The following ACOX1 variants were observed in gnomAD, a reference collection of about 807,000 sequenced individuals.
ACOX1 encodes peroxisomal acyl-coenzyme A oxidase 1.
In ACOX1, 41 loss-of-function variants were observed where a neutral mutation model predicts 75.5. The observed-to-expected ratio is 0.54, with a 90% CI of 0.42 to 0.70. ACOX1 has a LOEUF of 0.70. ACOX1 is among the 30% of genes least tolerant of loss of function. ACOX1 has a pLI of 0.00. For missense variants in ACOX1, 630 were observed against 837.5 expected (o/e 0.75, Z 3.06); for synonymous variants, 303 against 298.8 (o/e 1.01, Z -0.15).
Position 75,950,794 on chromosome 17 carries a change from G to A in ACOX1, c.1278C>T (p.Val426=), listed in dbSNP as rs777467085. ...PSCTFEGENT[V]MMLQTARFLM... is the part of the protein sequence containing the mutation. ...CTCACCTAGCCGTCTGGAGCATCATGACAGTGTTTTCTCCCTCAAAGGTAC... is the reference window on the plus strand; with the variant it reads ...CTCACCTAGCCGTCTGGAGCATCATAACAGTGTTTTCTCCCTCAAAGGTAC... The change falls in exon 9 of 14, where the codon GTC becomes GTT. Residue 426 remains valine (V), a synonymous_variant. Coordinates refer to ENST00000293217, the MANE Select transcript of ACOX1 (RefSeq NM_004035.7). This position sits in a 1 kb window ranked among gnomAD's most constrained non-coding sequence, Gnocchi z 4.3. The A allele has an allele frequency of 2.0e-5, 32 of 1,613,992 alleles. No homozygotes were observed. In the Admixed American group the frequency reaches 5.3e-4, roughly 27 times the overall value.
In ACOX1 at chr17:75,944,821, C is replaced by T. The variant is rs1465846847; in HGVS notation, c.*1927G>A. ...GTGGCACCATCTTGGCTCACTGCAA[C>T]CTCTACCCGCCAAGTTCAAGCGATT... On this transcript the variant is annotated 3_prime_UTR_variant, in exon 14 of 14. Coordinates refer to ENST00000293217, the MANE Select transcript of ACOX1 (RefSeq NM_004035.7). The T allele has an allele frequency of 6.6e-6, 1 of 152,114 alleles. No homozygotes were observed. The highest frequency in any genetic ancestry group is 2.4e-5 in the African/African-American group (1 of 41,430). The allele number at this position is 152,114 out of a possible 1,614,324, so 9.4% of individuals were successfully genotyped here. A position where few individuals can be genotyped will look rare whatever the true frequency, so the allele number is the denominator to read the frequency against.
At chr17:75,961,267 T>C (rs1445219755) in intron 2 of ACOX1, among the ~76,000 whole-genome samples, 1 of 138,098 alleles carries the variant, frequency 7.2e-6, no homozygotes, top group Non-Finnish European at 1.5e-5. Flanking sequence ...CATTCTAGCC[T>C]GGGCGACACA....
At chr17:75,958,546 C>T (rs8065681) in intron 3 of ACOX1, among the ~76,000 whole-genome samples, 4,718 of 139,480 alleles carry the variant, frequency 0.034, 391 homozygotes, top group African/African-American at 0.12. Flanking sequence ...CGGTGGCTCA[C>T]GCCTGTAATC....
chr17:75,957,571 G>A lies in ACOX1; in HGVS notation c.431-5C>T, dbSNP rs2065845187. 1 of 1,611,684 alleles carries A rather than the reference G, an allele frequency of 6.2e-7. No individual in the cohort carries two copies. The highest frequency in any genetic ancestry group is 8.5e-7 in the Non-Finnish European group (1 of 1,178,056). On this transcript the variant is annotated splice_region_variant and splice_polypyrimidine_tract_variant and intron_variant, in intron 3 of 13. Transcript: ENST00000293217. ...CCAAGCCTCGAAGGTGAGTTCCTAA[G>A]GAGATAAATTACATTGACTTCAGTT...
At chr17:75,971,309 T>A (rs868325344) in intron 2 of ACOX1, among the ~76,000 whole-genome samples, 72 of 141,920 alleles carry the variant, frequency 5.1e-4, no homozygotes, top group African/African-American at 1.0e-3. Context: ...AAAAAAAAAA[T>A]ACCCAAAACT....
In ACOX1 at chr17:75,955,556, C is replaced by A; in HGVS notation, c.774+10G>T. 6.2e-7 allele frequency: 1 copy of A among 1,609,810 alleles called. No individual in the cohort carries two copies. The highest frequency in any genetic ancestry group is 8.5e-7 in the Non-Finnish European group (1 of 1,176,106). On this transcript the variant is annotated intron_variant, in intron 6 of 13. Coordinates refer to ENST00000293217, the MANE Select transcript of ACOX1 (RefSeq NM_004035.7). ...TTGATGCCTCTGCTTTATTTTCTAT[C>A]AAAACATACCTGGGCATACTTCATC...
chr17:75,977,490 CG>C (rs1050141067), intron 2 of ACOX1, among the ~76,000 whole-genome samples: 15 of 151,736 alleles, frequency 9.9e-5, no homozygotes, highest in African/African-American at 3.6e-4. Context: ...CGCTTGAATC[CG>C]GGAGGTGGAG....
chr17:75,956,067 A>ACC, intron 4 of ACOX1, 120 bp from the exon 5 acceptor site: 1 of 1,387,866 alleles, frequency 7.2e-7, no homozygotes, highest in Non-Finnish European at 1.0e-6. Context: ...GTATGTGTCC[A>ACC]GAAAGCCTTT....
rs138323537 is a variant in ACOX1, at chr17:75,958,535, A to C, written c.431-969T>G. 5.5e-5 allele frequency among the ~76,000 whole-genome samples: 8 copies of C among 145,908 alleles called. No homozygotes were observed. In the East Asian group the frequency reaches 1.2e-3, roughly 22 times the overall value. ...AACAACAAAAAAATTAAAGCTGGGC[A>C]CGGTGGCTCACGCCTGTAATCCCAG... On this transcript the variant is annotated intron_variant, in intron 3 of 13. Transcript: ENST00000293217.
intron 12 of ACOX1, among the ~76,000 whole-genome samples, chr17:75,949,012 A>C (rs1244147335): frequency 6.6e-6 from 1 of 151,820 alleles, no homozygotes; most frequent in Non-Finnish European, 1.5e-5. Context: ...GGCATGTGCC[A>C]CTGCACCTGG....
intron 6 of ACOX1, among the ~76,000 whole-genome samples, chr17:75,953,989 C>G (rs1265345089): frequency 4.6e-5 from 7 of 152,206 alleles, no homozygotes; most frequent in African/African-American, 1.4e-4. Flanking sequence ...GAGGCCAAGG[C>G]AGACAGATCA....
At chr17:75,965,729 A>C (rs2065926031) in intron 2 of ACOX1, among the ~76,000 whole-genome samples, 1 of 152,130 alleles carries the variant, frequency 6.6e-6, no homozygotes, top group African/African-American at 2.4e-5. Context: ...ACTACTCGGG[A>C]GACTGAGGCA....
intron 6 of ACOX1, among the ~76,000 whole-genome samples, chr17:75,953,890 C>T (rs1275307452): frequency 6.6e-6 from 1 of 152,222 alleles, no homozygotes; most frequent in Admixed American, 6.5e-5. Context: ...TGTCCTTCAA[C>T]CCTGACAACT....
In ACOX1 at chr17:75,978,880, A is replaced by G; in HGVS notation, c.109+85T>C. On this transcript the variant is annotated intron_variant, in intron 1 of 13. Transcript: ENST00000293217. This position sits in a 1 kb window ranked among gnomAD's most constrained non-coding sequence, Gnocchi z 4.2. Reference sequence around the variant, plus strand: ...CCCCTAACGCTGGGCCAGAGGGCCTAGGCCCCACAGCGCCCCTGACTCCGC... The same window carrying G: ...CCCCTAACGCTGGGCCAGAGGGCCTGGGCCCCACAGCGCCCCTGACTCCGC... 6.2e-7 allele frequency: 1 copy of G among 1,600,848 alleles called. No homozygotes were observed. The highest frequency in any genetic ancestry group is 1.1e-5 in the South Asian group (1 of 90,958).
chr17:75,958,796 C>A (rs564453309), intron 3 of ACOX1, among the ~76,000 whole-genome samples: 2,978 of 138,812 alleles, frequency 0.021, 98 homozygotes, highest in African/African-American at 0.078. Flanking sequence ...CGACAGAGCA[C>A]GACTCCGTCT....
chr17:75,953,235 T>C, intron 7 of ACOX1: 1 of 484,090 alleles, frequency 2.1e-6, no homozygotes, highest in Non-Finnish European at 3.8e-6. Context: ...TCTCTTTTTT[T>C]CTTTTTTGGC....
chr17:75,956,965 CTCTCTCTATATATATATATA>C (rs1567877995), intron 4 of ACOX1, among the ~76,000 whole-genome samples: 186 of 14,334 alleles, frequency 0.013, 1 homozygote, highest in Non-Finnish European at 0.015. Context: ...CTCTCTCTCT[CTCTCTCTATATATATATATA>C]TATATATATA....
chr17:75,946,733 T>C lies in ACOX1; in HGVS notation c.*15A>G. ...GGCGCTTTCTGAAGCAGATTAAACT[T>C]GTCCTTGTGACACTTCAGAGCTTGG... On this transcript the variant is annotated 3_prime_UTR_variant, in exon 14 of 14. Coordinates refer to ENST00000293217, the MANE Select transcript of ACOX1 (RefSeq NM_004035.7). The C allele has an allele frequency of 6.2e-7, 1 of 1,613,410 alleles. No homozygotes were observed. The highest frequency in any genetic ancestry group is 8.5e-7 in the Non-Finnish European group (1 of 1,179,354).
At position 75,977,155 on chromosome 17, in the gene ACOX1, G is replaced by A. The variant is rs138038065; in HGVS notation, c.269+1379C>T. On this transcript the variant is annotated intron_variant, in intron 2 of 13. Coordinates refer to ENST00000293217, the MANE Select transcript of ACOX1 (RefSeq NM_004035.7). ...TGGGACCCCAGAAGCGCACCACCAG[G>A]CCCGGCTAATTTTTGTATTTTTAGT... Among the ~76,000 whole-genome samples the A allele has an allele frequency of 8.8e-3, 1,332 of 151,188 alleles. 16 individuals are homozygous for A. The highest frequency in any genetic ancestry group is 0.031 in the African/African-American group (1,270 of 41,218).
Sources: gnomAD v4.1 joint callset for allele counts (sites outside exome capture counted in the v4.1 genomes callset) on GRCh38, gnomAD v4.1.1 for gene constraint, Gnocchi (gnomAD v3.1) non-coding constraint, MANE v1.5 for transcripts, NCBI Gene and HGNC (gene_info 2026-07-23, HGNC 2026-07-21) for gene names.